EMC2: variants seen among roughly 807,000 people sequenced by gnomAD.
The protein encoded by EMC2 is ER membrane protein complex subunit 2.
Under a neutral mutation model 51.6 loss-of-function variants are expected in EMC2, and 37 were observed. That is an observed-to-expected ratio of 0.72 (90% CI 0.55 to 0.94). The LOEUF is 0.94. Ranked by LOEUF, EMC2 falls within the 40% of genes least tolerant of loss-of-function variation. The pLI is 0.00. For synonymous variants in EMC2, 131 were observed against 112.4 expected (o/e 1.17, Z -1.04); for missense variants, 359 against 350.9 (o/e 1.02, Z -0.18).
chr8:108,489,146 A>G lies in EMC2; in HGVS notation c.*2548A>G, dbSNP rs1811195698. ...CCAAATCAAGATGAGCAATTGCCAA[A>G]CTCCCCAATTATTAAATGAGAAAAA... On this transcript the variant is annotated 3_prime_UTR_variant, in exon 11 of 11. Coordinates refer to ENST00000220853, the MANE Select transcript of EMC2 (RefSeq NM_014673.5). Among the ~76,000 whole-genome samples the G allele has an allele frequency of 6.6e-6, 1 of 152,108 alleles. No individual in the cohort carries two copies. Among genetic ancestry groups the G allele is most frequent in the African/African-American group, 2.4e-5 (1 of 41,408 alleles).
chr8:108,454,614 G>A (rs1006388960), intron 4 of EMC2, among the ~76,000 whole-genome samples: 4 of 152,078 alleles, frequency 2.6e-5, no homozygotes, highest in East Asian at 3.9e-4. Flanking sequence ...TTATCTGATC[G>A]ATTAAGAATA....
In EMC2 at chr8:108,479,447, T is replaced by C. The variant is rs187370949; in HGVS notation, c.807+337T>C. Among the ~76,000 whole-genome samples, 856 of 152,240 alleles carry C rather than the reference T, an allele frequency of 5.6e-3. 5 individuals are homozygous for C. Among genetic ancestry groups the C allele is most frequent in the South Asian group, 0.018 (87 of 4,824 alleles). Reference sequence around the variant, plus strand: ...GCAGATTGGGTATGTGAGTGTATTATTAATCATAGGTATCTCAAGAAATAG... The same window carrying C: ...GCAGATTGGGTATGTGAGTGTATTACTAATCATAGGTATCTCAAGAAATAG... On this transcript the variant is annotated intron_variant, in intron 10 of 10. Coordinates refer to ENST00000220853, the MANE Select transcript of EMC2 (RefSeq NM_014673.5).
chr8:108,484,961 G>T (rs932034832), intron 10 of EMC2, among the ~76,000 whole-genome samples: 6 of 151,924 alleles, frequency 3.9e-5, no homozygotes, highest in Non-Finnish European at 7.4e-5. Context: ...AGGTGATCTT[G>T]ATTTTTATGA....
In EMC2 at chr8:108,449,856, A is replaced by G; in HGVS notation, c.74A>G (p.Glu25Gly). 1 of 1,585,880 alleles carries G rather than the reference A, an allele frequency of 6.3e-7. No individual in the cohort carries two copies. The highest frequency in any genetic ancestry group is 1.1e-5 in the South Asian group (1 of 89,958). The change falls in exon 2 of 11, where the codon GAA becomes GGA. Residue 25 changes from glutamate (E) to glycine (G), a missense_variant. Coordinates refer to ENST00000220853, the MANE Select transcript of EMC2 (RefSeq NM_014673.5). ...GATAAAATGAGAAAATGGAGAGAAG[A>G]AAACTCAAGAAATAGTGAGCAAATT... ...MRDKMRKWRE[E>G]NSRNSEQIVE...
At chr8:108,460,469 T>C (rs974119246) in intron 5 of EMC2, among the ~76,000 whole-genome samples, 3 of 152,158 alleles carry the variant, frequency 2.0e-5, no homozygotes, top group African/African-American at 7.2e-5. Context: ...ATTCAACACT[T>C]TTTGAAGAAT....
At chr8:108,471,460 A>G (rs1001470157) in intron 7 of EMC2, among the ~76,000 whole-genome samples, 29 of 151,926 alleles carry the variant, frequency 1.9e-4, no homozygotes, top group Non-Finnish European at 3.4e-4. Flanking sequence ...GAAACACAGT[A>G]AAGCATAAAG....
chr8:108,472,743 G>T (rs7842401), intron 7 of EMC2, among the ~76,000 whole-genome samples: 1 of 151,674 alleles, frequency 6.6e-6, no homozygotes, highest in Non-Finnish European at 1.5e-5. Context: ...ACCAGTCTTG[G>T]GGACACAGTG....
chr8:108,468,867 G>A (rs919127071), intron 5 of EMC2, among the ~76,000 whole-genome samples: 5 of 152,166 alleles, frequency 3.3e-5, no homozygotes, highest in African/African-American at 1.2e-4. Flanking sequence ...ACTTCAGCCA[G>A]TACTGCTTTC....
chr8:108,462,912 A>G (rs1279878569), intron 5 of EMC2, among the ~76,000 whole-genome samples: 1 of 152,044 alleles, frequency 6.6e-6, no homozygotes, highest in African/African-American at 2.4e-5. Flanking sequence ...ATATTCTTAA[A>G]CAGCCATTTG....
Position 108,486,669 on chromosome 8 carries a change from C to A in EMC2, c.*71C>A. 6.9e-7 allele frequency: 1 copy of A among 1,444,190 alleles called. No individual in the cohort carries two copies. Among genetic ancestry groups the A allele is most frequent in the Non-Finnish European group, 9.4e-7 (1 of 1,067,038 alleles). The allele number at this position is 1,444,190 out of a possible 1,614,324, so 89.5% of individuals were successfully genotyped here. ...AACTTATTGGCCTGTAACTTATTTA[C>A]TAAATGCTCAGTGCTATTTATATAC... On this transcript the variant is annotated 3_prime_UTR_variant, in exon 11 of 11. Transcript: ENST00000220853.
intron 10 of EMC2, among the ~76,000 whole-genome samples, chr8:108,485,902 AT>A (rs1811129412): frequency 6.6e-6 from 1 of 151,848 alleles, no homozygotes; most frequent in Non-Finnish European, 1.5e-5. Flanking sequence ...AGAAATGCAT[AT>A]TTTAAAACAT....
chr8:108,452,617 A>C (rs1270541413), intron 3 of EMC2, among the ~76,000 whole-genome samples: 1 of 152,174 alleles, frequency 6.6e-6, no homozygotes, highest in Non-Finnish European at 1.5e-5. Flanking sequence ...CAACAGGGCA[A>C]AATTAATCAG....
At chr8:108,484,698 A>G (rs1811103720) in intron 10 of EMC2, among the ~76,000 whole-genome samples, 1 of 151,948 alleles carries the variant, frequency 6.6e-6, no homozygotes, top group Admixed American at 6.6e-5. Context: ...TTTTCTCAGA[A>G]TTAGACCTTT....
Position 108,486,641 on chromosome 8 carries a change from T to C in EMC2, c.*43T>C, listed in dbSNP as rs367879912. 3 of 1,545,596 alleles carry C rather than the reference T, an allele frequency of 1.9e-6. No individual in the cohort carries two copies. In the African/African-American group the frequency reaches 4.2e-5, roughly 22 times the overall value. On this transcript the variant is annotated 3_prime_UTR_variant, in exon 11 of 11. Coordinates refer to ENST00000220853, the MANE Select transcript of EMC2 (RefSeq NM_014673.5). ...GACATTAGATTTCACAACTGCACAA[T>C]TGAACTTATTGGCCTGTAACTTATT...
In EMC2 at chr8:108,443,716, C is replaced by T; in HGVS notation, c.40+18C>T. 6.4e-7 allele frequency: 1 copy of T among 1,573,430 alleles called. No individual in the cohort carries two copies. The highest frequency in any genetic ancestry group is 1.1e-5 in the South Asian group (1 of 88,654). On this transcript the variant is annotated intron_variant, in intron 1 of 10. Transcript: ENST00000220853. ...TTGGGAAGGTAACTTCGGGTGGGGGCGGGTGCGGAAAGACTAAAAGCGCTG... is the reference window on the plus strand; with the variant it reads ...TTGGGAAGGTAACTTCGGGTGGGGGTGGGTGCGGAAAGACTAAAAGCGCTG...
At chr8:108,471,883 A>G (rs537873331) in intron 7 of EMC2, among the ~76,000 whole-genome samples, 1 of 152,104 alleles carries the variant, frequency 6.6e-6, no homozygotes, top group East Asian at 1.9e-4. Context: ...TGGTAACATC[A>G]ATTTACTTGC....
chr8:108,454,094 T>C (rs1245911882), intron 4 of EMC2, among the ~76,000 whole-genome samples: 1 of 152,102 alleles, frequency 6.6e-6, no homozygotes, highest in Non-Finnish European at 1.5e-5. Context: ...TTTATTCTGT[T>C]GTATCTTTGT....
rs1818972898 is a variant in EMC2, at chr8:108,449,844, A to G, written c.62A>G (p.Lys21Arg). The change falls in exon 2 of 11, where the codon AAA (lysine) becomes AGA (arginine). Residue 21 changes from lysine to arginine, a missense_variant. Physicochemically the swap from Lys to Arg is conservative, Grantham distance 26. Coordinates refer to ENST00000220853, the MANE Select transcript of EMC2 (RefSeq NM_014673.5). Reference sequence around the variant, plus strand: ...TCAGAAATGAGAGATAAAATGAGAAAATGGAGAGAAGAAAACTCAAGAAAT... The same window carrying G: ...TCAGAAATGAGAGATAAAATGAGAAGATGGAGAGAAGAAAACTCAAGAAAT... ...TWEEMRDKMR[K>R]WREENSRNSE... The G allele has an allele frequency of 1.3e-6, 2 of 1,564,136 alleles. No individual in the cohort carries two copies. The highest frequency in any genetic ancestry group is 2.7e-5 in the African/African-American group (2 of 73,708).
At chr8:108,456,345 A>C (rs1162361309) in intron 5 of EMC2, among the ~76,000 whole-genome samples, 3 of 44,652 alleles carry the variant, frequency 6.7e-5, no homozygotes, top group African/African-American at 1.3e-4. Context: ...AAAAAAAAAA[A>C]AAGAAAAAAA....
Sources: gnomAD v4.1 joint callset for allele counts (sites outside exome capture counted in the v4.1 genomes callset) on GRCh38, gnomAD v4.1.1 for gene constraint, MANE v1.5 for transcripts, NCBI Gene and HGNC (gene_info 2026-07-23, HGNC 2026-07-21) for gene names.